Variants in SNX29 observed in about 807,000 individuals in gnomAD.
SNX29 encodes the protein sorting nexin 29, also known as sorting nexin-29.
SNX29 carries 78 observed loss-of-function variants against 102.1 expected under a neutral mutation model. The observed-to-expected ratio is 0.76, with a 90% confidence interval of 0.64 to 0.92. SNX29 has a LOEUF of 0.92. Among genes scored for constraint, SNX29 ranks in the 40% least tolerant of loss-of-function variants. SNX29 has a pLI of 0.00. For synonymous variants in SNX29, 580 were observed against 414.5 expected (o/e 1.40, Z -4.85); for missense variants, 1,280 against 1,061.7 (o/e 1.21, Z -2.86).
chr16:12,382,828 C>G (rs1275547237), intron 16 of SNX29, among the ~76,000 whole-genome samples: 2 of 152,048 alleles, frequency 1.3e-5, no homozygotes, highest in African/African-American at 4.8e-5. Flanking sequence ...TTTGTCTTTA[C>G]TTGGCCTTCT....
intron 1 of SNX29, among the ~76,000 whole-genome samples, chr16:11,988,293 C>A (rs866559265): frequency 6.5e-4 from 84 of 129,224 alleles, no homozygotes; most frequent in Non-Finnish European, 7.6e-4. Context: ...GACTCCATCT[C>A]AAAAAAAAAA....
intron 14 of SNX29, among the ~76,000 whole-genome samples, chr16:12,235,427 T>A (rs2077896541): frequency 6.6e-6 from 1 of 152,306 alleles, no homozygotes; most frequent in African/African-American, 2.4e-5. Context: ...TTTTCACATT[T>A]GGAGGTACAT....
rs2081037691 is a variant in SNX29, at chr16:12,323,904, AGTT to A, written c.1783-32252_1783-32250del. Among the ~76,000 whole-genome samples the A allele has an allele frequency of 3.3e-5, 5 of 152,272 alleles. 1 individual carries two copies. The South Asian group carries it at 1.0e-3, about 32-fold the overall frequency. ...ACTAACTTTTATTATTACTGGTTTAAGTTGTTGTTTAAACTGTTCCAGACTTTT... is the reference window on the plus strand; with the variant it reads ...ACTAACTTTTATTATTACTGGTTTAAGTTGTTTAAACTGTTCCAGACTTTT... On this transcript the variant is annotated intron_variant, in intron 15 of 20. Transcript: ENST00000566228.
intron 15 of SNX29, among the ~76,000 whole-genome samples, chr16:12,281,657 G>A (rs1264926919): frequency 3.9e-5 from 6 of 152,168 alleles, no homozygotes; most frequent in Non-Finnish European, 7.3e-5. Flanking sequence ...GGGTTTTTAC[G>A]TAGATGAACA....
intron 6 of SNX29, among the ~76,000 whole-genome samples, chr16:12,047,111 CT>C (rs1401599497): frequency 6.6e-6 from 1 of 152,220 alleles, no homozygotes; most frequent in Non-Finnish European, 1.5e-5. Context: ...GCTGCCTTTT[CT>C]TTCCTCTCTG....
intron 15 of SNX29, among the ~76,000 whole-genome samples, chr16:12,351,866 C>T (rs146264644): frequency 2.0e-5 from 3 of 152,194 alleles, no homozygotes; most frequent in African/African-American, 4.8e-5. Context: ...TTATGACTGC[C>T]TAGGTATCTT....
At chr16:12,173,033 T>C (rs2076183199) in intron 13 of SNX29, among the ~76,000 whole-genome samples, 1 of 152,210 alleles carries the variant, frequency 6.6e-6, no homozygotes, top group African/African-American at 2.4e-5. Flanking sequence ...AGGTGGTCTC[T>C]GGTAGGTCCA....
intron 1 of SNX29, among the ~76,000 whole-genome samples, chr16:11,988,457 G>A (rs960214197): frequency 1.2e-4 from 18 of 152,126 alleles, no homozygotes; most frequent in Non-Finnish European, 1.5e-5. Context: ...GAGTGCAATG[G>A]TGTCATCAGT....
intron 8 of SNX29, among the ~76,000 whole-genome samples, chr16:12,059,057 C>G (rs2050654980): frequency 6.6e-6 from 1 of 152,154 alleles, no homozygotes; most frequent in Admixed American, 6.5e-5. Context: ...ATGTGAGCCA[C>G]TGGCCTGGCC....
intron 16 of SNX29, among the ~76,000 whole-genome samples, chr16:12,392,480 C>T (rs999044928): frequency 2.0e-5 from 3 of 152,188 alleles, no homozygotes; most frequent in African/African-American, 4.8e-5. Flanking sequence ...ATTTTTACAT[C>T]TGCCTGTCTG....
intron 20 of SNX29, among the ~76,000 whole-genome samples, chr16:12,555,549 G>A (rs909175650): frequency 6.6e-5 from 10 of 150,822 alleles, no homozygotes; most frequent in African/African-American, 2.0e-4. Flanking sequence ...GTCATACCGT[G>A]GGTTTGAGCA....
At chr16:12,500,038 TAGG>T (rs2089036108) in intron 19 of SNX29, among the ~76,000 whole-genome samples, 1 of 152,112 alleles carries the variant, frequency 6.6e-6, no homozygotes, top group East Asian at 1.9e-4. Context: ...GTCACCCAGG[TAGG>T]AGTACAGTGG....
In SNX29 at chr16:12,096,617, A is replaced by C. The variant is rs1646020331; in HGVS notation, c.1402+17702A>C. Among the ~76,000 whole-genome samples the C allele has an allele frequency of 6.6e-6, 1 of 152,212 alleles. No individual in the cohort carries two copies. The highest frequency in any genetic ancestry group is 6.5e-5 in the Admixed American group (1 of 15,280). The stretch of plus-strand genomic sequence containing the variant: ...GGAGTTTTATGGTAATAAAGAAATG[A>C]TGAATGATTGGATGGGGCAAAACGG... On this transcript the variant is annotated intron_variant, in intron 11 of 20. Coordinates refer to ENST00000566228, the MANE Select transcript of SNX29 (RefSeq NM_032167.5). This position sits in a 1 kb window ranked among gnomAD's most constrained non-coding sequence, Gnocchi z 4.2.
At chr16:12,002,015 AT>A (rs67366263) in intron 2 of SNX29, among the ~76,000 whole-genome samples, 14 of 147,442 alleles carry the variant, frequency 9.5e-5, no homozygotes, top group African/African-American at 1.2e-4. Flanking sequence ...GAGAGACCCT[AT>A]TTTTTTTTTT....
rs375284504 is a variant in SNX29, at chr16:12,064,615, CATT to C, written c.1243+2973_1243+2975del. On this transcript the variant is annotated intron_variant, in intron 9 of 20. Transcript: ENST00000566228. ...GGGCAGGACATGGCATAGGGAGAAACATTATTCCAGGACTGTGTCAGGATGTTG... is the reference window on the plus strand; with the variant it reads ...GGGCAGGACATGGCATAGGGAGAAACATTCCAGGACTGTGTCAGGATGTTG... Among the ~76,000 whole-genome samples, 64 of 152,340 alleles carry C rather than the reference CATT, an allele frequency of 4.2e-4. No individual in the cohort carries two copies. The East Asian group carries it at 0.01, about 24-fold the overall frequency.
intron 19 of SNX29, among the ~76,000 whole-genome samples, chr16:12,489,230 CA>C (rs962085371): frequency 1.3e-5 from 2 of 151,050 alleles, no homozygotes; most frequent in African/African-American, 4.9e-5. Context: ...CAGAAAAACA[CA>C]AAAAACAAAT....
chr16:12,552,280 C>T (rs551400500), intron 20 of SNX29, among the ~76,000 whole-genome samples: 2 of 152,296 alleles, frequency 1.3e-5, no homozygotes, highest in Middle Eastern at 3.4e-3. Flanking sequence ...GGCCAGTTAA[C>T]TTCTGTGCCT....
At chr16:12,564,809 G>C (rs1462378264) in intron 20 of SNX29, among the ~76,000 whole-genome samples, 1 of 152,090 alleles carries the variant, frequency 6.6e-6, no homozygotes, top group African/African-American at 2.4e-5. Context: ...TGTCATTCCA[G>C]AAGTCTCGGT....
chr16:12,415,819 C>G (rs760359075), intron 18 of SNX29, among the ~76,000 whole-genome samples: 14 of 152,214 alleles, frequency 9.2e-5, no homozygotes, highest in Admixed American at 5.2e-4. Flanking sequence ...GCTGGGAATG[C>G]CCACTCTCTC....
Sources: gnomAD v4.1 joint callset for allele counts (sites outside exome capture counted in the v4.1 genomes callset) on GRCh38, gnomAD v4.1.1 for gene constraint, Gnocchi (gnomAD v3.1) non-coding constraint, MANE v1.5 for transcripts, NCBI Gene and HGNC (gene_info 2026-07-23, HGNC 2026-07-21) for gene names.